CFAP58: variants seen among roughly 807,000 people sequenced by gnomAD.
CFAP58 encodes the protein cilia- and flagella-associated protein 58.
Under a neutral mutation model 119.5 loss-of-function variants are expected in CFAP58, and 88 were observed. The ratio of observed to expected loss-of-function variants is 0.74; its 90% CI spans 0.62 to 0.88. The LOEUF (loss-of-function observed/expected upper bound fraction) is 0.88. Among genes scored for constraint, CFAP58 ranks in the 40% least tolerant of loss-of-function variants. CFAP58 has a pLI of 0.00. For synonymous variants in CFAP58, 365 were observed against 366.3 expected (o/e 1.00, Z 0.04); for missense variants, 990 against 1,021.2 (o/e 0.97, Z 0.42).
chr10:104,383,753 A>AACACACACACACACACAC (rs59181888), intron 9 of CFAP58, among the ~76,000 whole-genome samples: 5,590 of 145,796 alleles, frequency 0.038, 146 homozygotes, highest in Middle Eastern at 0.08. Context: ...TTTACTGTCC[A>AACACACACACACACACAC]ACACACACAC....
At chr10:104,413,472 G>A (rs908815982) in intron 15 of CFAP58, among the ~76,000 whole-genome samples, 42 of 152,134 alleles carry the variant, frequency 2.8e-4, no homozygotes, top group African/African-American at 9.9e-4. Context: ...TGAACAGGAA[G>A]GATTTCTTTT....
chr10:104,441,205 G>T (rs1208628393), intron 15 of CFAP58, among the ~76,000 whole-genome samples: 1 of 152,128 alleles, frequency 6.6e-6, no homozygotes, highest in Non-Finnish European at 1.5e-5. Context: ...ATTTTGCCAT[G>T]TTGGCCAGGC....
chr10:104,449,622 C>A (rs914554516), intron 16 of CFAP58, among the ~76,000 whole-genome samples: 11 of 152,170 alleles, frequency 7.2e-5, no homozygotes, highest in Non-Finnish European at 1.2e-4. Context: ...GCAGTGATGG[C>A]AGGATGACTT....
At chr10:104,413,174 G>A (rs939736834) in intron 15 of CFAP58, among the ~76,000 whole-genome samples, 1 of 152,194 alleles carries the variant, frequency 6.6e-6, no homozygotes, top group Admixed American at 6.5e-5. Context: ...GTGGTATGTT[G>A]CACAGTCATT....
Position 104,450,193 on chromosome 10 carries a change from A to G in CFAP58, c.2499A>G (p.Glu833=). 1 of 1,612,358 alleles carries G rather than the reference A, an allele frequency of 6.2e-7. No individual in the cohort carries two copies. The highest frequency in any genetic ancestry group is 1.7e-4 in the Middle Eastern group (1 of 6,048). ...AATACCTCGCTCAGAAACGTAAAGA[A>G]CAACTTCAAAAGTAAGAATTAGTCA... ...KKKYLAQKRK[E]QLQKNKDTAP... Residue 833 remains glutamate (E), a synonymous_variant, in exon 17 of 18, where the codon GAA becomes GAG. Coordinates refer to ENST00000369704, the MANE Select transcript of CFAP58 (RefSeq NM_001008723.2).
At chr10:104,376,962 A>C in intron 8 of CFAP58, 69 bp downstream of exon 8, 1 of 1,235,952 alleles carries the variant, frequency 8.1e-7, no homozygotes. Context: ...GGCTATAGCC[A>C]GTTGGATGGG....
rs80253317 is a variant in CFAP58 at position 104,452,510 on chromosome 10, C to A, written c.2511-1912C>A. 5.4e-3 allele frequency among the ~76,000 whole-genome samples: 827 copies of A among 152,298 alleles called. 6 individuals carry two copies. Among genetic ancestry groups the A allele is most frequent in the African/African-American group, 0.019 (791 of 41,558 alleles). The stretch of plus-strand genomic sequence containing the variant: ...TAGTCTTCTTTGACATTACTGACTG[C>A]TAATCTTGCTCCCTCTCCTGCCCCA... On this transcript the variant is annotated intron_variant, in intron 17 of 17. Transcript: ENST00000369704.
At chr10:104,359,446 C>G (rs988685282) in intron 2 of CFAP58, among the ~76,000 whole-genome samples, 1 of 152,126 alleles carries the variant, frequency 6.6e-6, no homozygotes, top group South Asian at 2.1e-4. Context: ...TACTGAAAAA[C>G]CAATATAAGA....
At chr10:104,354,307 A>T (rs765992010) in intron 1 of CFAP58, among the ~76,000 whole-genome samples, 7 of 152,132 alleles carry the variant, frequency 4.6e-5, no homozygotes, top group Non-Finnish European at 8.8e-5. Context: ...GCCTGCTGTC[A>T]TCCCAATCAA....
chr10:104,402,198 A>G (rs976663276), intron 13 of CFAP58, among the ~76,000 whole-genome samples: 3 of 152,238 alleles, frequency 2.0e-5, no homozygotes, highest in African/African-American at 7.2e-5. Flanking sequence ...ACTTGGTGTC[A>G]CAATTAAACA....
chr10:104,395,313 T>G (rs1288580823), intron 11 of CFAP58, among the ~76,000 whole-genome samples: 1 of 152,170 alleles, frequency 6.6e-6, no homozygotes, highest in Admixed American at 6.5e-5. Context: ...TGGCAGCTGG[T>G]GAACATGAAG....
At chr10:104,416,364 T>G (rs1030806073) in intron 15 of CFAP58, among the ~76,000 whole-genome samples, 1 of 152,168 alleles carries the variant, frequency 6.6e-6, no homozygotes, top group African/African-American at 2.4e-5. Context: ...AAGGGGCATA[T>G]CCCTCAGATA....
At chr10:104,353,498 C>G (rs774829407), upstream of CFAP58, 24 of 204,086 alleles carry the variant, frequency 1.2e-4, no homozygotes, top group Middle Eastern at 1.8e-3. Context: ...GCTTGGCTCC[C>G]TAGTGTCACA....
intron 11 of CFAP58, 24 bp from the exon 12 acceptor site, chr10:104,399,336 C>T (rs2012219383): frequency 1.9e-6 from 3 of 1,611,142 alleles, no homozygotes; most frequent in Non-Finnish European, 2.5e-6. Context: ...TTGAAATTTG[C>T]CTGTATCTTC....
Position 104,370,804 on chromosome 10 carries a change from A to G in CFAP58, c.931-91A>G, listed in dbSNP as rs1243911391. ...ACAACTTTAAAATGCCATGGGAAGAATTTCCTTTTATTGGTTCTGAGTTTA... is the reference window on the plus strand; with the variant it reads ...ACAACTTTAAAATGCCATGGGAAGAGTTTCCTTTTATTGGTTCTGAGTTTA... On this transcript the variant is annotated intron_variant, in intron 6 of 17. Coordinates refer to ENST00000369704, the MANE Select transcript of CFAP58 (RefSeq NM_001008723.2). 4 of 1,166,994 alleles carry G rather than the reference A, an allele frequency of 3.4e-6. No individual in the cohort carries two copies. The African/African-American group carries it at 6.3e-5, about 18-fold the overall frequency. 72.3% of individuals were successfully genotyped at this position (1,166,994 alleles called of 1,614,324 possible).
intron 8 of CFAP58, among the ~76,000 whole-genome samples, chr10:104,377,333 C>G (rs2011691748): frequency 6.6e-6 from 1 of 152,184 alleles, no homozygotes; most frequent in South Asian, 2.1e-4. Context: ...TTTCCTCCAT[C>G]TTTTCAGGGT....
At chr10:104,355,933 C>T (rs2014537591) in intron 1 of CFAP58, among the ~76,000 whole-genome samples, 1 of 152,168 alleles carries the variant, frequency 6.6e-6, no homozygotes, top group Non-Finnish European at 1.5e-5. Flanking sequence ...AATCATTAGG[C>T]TGTTGATCAA....
chr10:104,425,950 A>G (rs1019295481), intron 15 of CFAP58, among the ~76,000 whole-genome samples: 1 of 152,154 alleles, frequency 6.6e-6, no homozygotes, highest in Non-Finnish European at 1.5e-5. Flanking sequence ...AAAGACCAAC[A>G]TAGACTGGGT....
rs1156281882 is a variant in CFAP58 at position 104,438,349 on chromosome 10, TTTTTTTTTTTTGTTTTTTTTTTTTG to T, written c.2257-9337_2257-9313del. The stretch of plus-strand genomic sequence containing the variant: ...TTGTTTTTTTGTTTTTTGTTTTTTG[TTTTTTTTTTTTGTTTTTTTTTTTTG>T]TTTTTTTTTTTTGAGACGGAGTCTC... On this transcript the variant is annotated intron_variant, in intron 15 of 17. Transcript: ENST00000369704. Among the ~76,000 whole-genome samples the T allele has an allele frequency of 5.6e-3, 430 of 76,924 alleles. 14 individuals carry two copies. The highest frequency in any genetic ancestry group is 0.038 in the African/African-American group (415 of 11,018). 50.5% of individuals were successfully genotyped at this position (76,924 alleles called of 152,430 possible).
Sources: allele counts gnomAD v4.1 joint callset (sites outside exome capture counted in the v4.1 genomes callset), GRCh38; gene constraint gnomAD v4.1.1; transcripts MANE v1.5; gene names NCBI Gene and HGNC (gene_info 2026-07-23, HGNC 2026-07-21).